The following B3GAT3 variants were observed in gnomAD, a reference collection of about 807,000 sequenced individuals.
B3GAT3 encodes galactosylgalactosylxylosylprotein 3-beta-glucuronosyltransferase 3.
B3GAT3 carries 19 observed loss-of-function variants against 33.1 expected under a neutral mutation model. The ratio of observed to expected loss-of-function variants is 0.57; its 90% CI spans 0.40 to 0.84. The LOEUF (loss-of-function observed/expected upper bound fraction) is 0.84, where lower values mean the gene tolerates loss of function less well. B3GAT3 is among the 40% of genes least tolerant of loss of function. The pLI is 0.00. For synonymous variants in B3GAT3, 167 were observed against 193.5 expected (o/e 0.86, Z 1.14); for missense variants, 344 against 441.5 (o/e 0.78, Z 1.98).
intron 2 of B3GAT3, among the ~76,000 whole-genome samples, chr11:62,618,518 TGG>T: frequency 6.8e-6 from 1 of 147,730 alleles, no homozygotes; most frequent in South Asian, 2.2e-4. Flanking sequence ...AAAAATTAGC[TGG>T]GTGTGGTGGC....
intron 2 of B3GAT3, among the ~76,000 whole-genome samples, chr11:62,619,341 CAGA>C (rs1241773408): frequency 2.6e-5 from 4 of 152,144 alleles, no homozygotes; most frequent in East Asian, 3.8e-4. Flanking sequence ...ATCTGATTCC[CAGA>C]AGATGTATTA....
Position 62,615,640 on chromosome 11 carries a change from TG to T in B3GAT3, c.*60del. 2.5e-6 allele frequency: 4 copies of T among 1,581,198 alleles called. No individual in the cohort carries two copies. Among genetic ancestry groups the T allele is most frequent in the Non-Finnish European group, 2.6e-6 (3 of 1,165,518 alleles). On this transcript the variant is annotated 3_prime_UTR_variant, in exon 5 of 5. Transcript: ENST00000265471. ...TGGAAAACCACATCCTGGGCAGGCC[TG>T]GGGCCCAGTCCCACAAGGTCTGTGC...
rs1368462302 is a variant in B3GAT3 at position 62,616,500 on chromosome 11, C to T, written c.909+6G>A. The T allele has an allele frequency of 1.7e-5, 27 of 1,614,136 alleles. No homozygotes were observed. Among genetic ancestry groups the T allele is most frequent in the Non-Finnish European group, 2.3e-5 (27 of 1,180,038 alleles). ...CAGGTTTCTATGCCCATCTCCATTC[C>T]CTTACCCGAGTGCAGTTGGCAGCCC... On this transcript the variant is annotated splice_donor_region_variant and intron_variant, in intron 4 of 4. Coordinates refer to ENST00000265471, the MANE Select transcript of B3GAT3 (RefSeq NM_012200.4).
At chr11:62,620,788 T>C (rs1943131187) in intron 1 of B3GAT3, 117 bp from the exon 2 acceptor site, 1 of 1,005,380 alleles carries the variant, frequency 9.9e-7, no homozygotes, top group African/African-American at 1.6e-5. Flanking sequence ...GGTATCACCT[T>C]ATGACTTCCC....
intron 1 of B3GAT3, among the ~76,000 whole-genome samples, 164 bp from the exon 2 acceptor site, chr11:62,620,835 A>T (rs1206521762): frequency 3.3e-5 from 5 of 152,166 alleles, no homozygotes; most frequent in Admixed American, 6.5e-5. Flanking sequence ...TGGGAAACTC[A>T]CTGCCTCAAG....
chr11:62,621,441 T>G, intron 1 of B3GAT3: 2 of 413,316 alleles, frequency 4.8e-6, no homozygotes, highest in Non-Finnish European at 4.8e-6. Context: ...GGAGGTGACA[T>G]TTGAGCTAAG....
At position 62,621,771 on chromosome 11, in the gene B3GAT3, G is replaced by A. The variant is rs1175616439; in HGVS notation, c.82+95C>T. 3 of 1,297,044 alleles carry A rather than the reference G, an allele frequency of 2.3e-6. No homozygotes were observed. In the African/African-American group the frequency reaches 4.6e-5, roughly 20 times the overall value. The allele number at this position is 1,297,044 out of a possible 1,614,324, so 80.3% of individuals were successfully genotyped here. The stretch of plus-strand genomic sequence containing the variant: ...GAGCTGTCCGGAGGGCCGAGCGGAT[G>A]AATGGTGTTTGCCGGGGGTTCATCC... On this transcript the variant is annotated intron_variant, in intron 1 of 4. Coordinates refer to ENST00000265471, the MANE Select transcript of B3GAT3 (RefSeq NM_012200.4).
In B3GAT3 at chr11:62,616,585, C is replaced by G. The variant is rs387906937; in HGVS notation, c.830G>C (p.Arg277Pro). 1.2e-6 allele frequency: 2 copies of G among 1,614,082 alleles called. No individual in the cohort carries two copies. Among genetic ancestry groups the G allele is most frequent in the East Asian group, 2.2e-5 (1 of 44,896 alleles). Residue 277 changes from arginine (R) to proline (P), a missense_variant, in exon 4 of 5, where the codon CGG (arginine) becomes CCG (proline). Physicochemically the swap from Arg to Pro is moderately radical, Grantham distance 103 (BLOSUM62 -2). Coordinates refer to ENST00000265471, the MANE Select transcript of B3GAT3 (RefSeq NM_012200.4). Reference protein sequence around the residue: ...PNAQFDSTAPRGHLESSLLSH... With the variant: ...PNAQFDSTAPPGHLESSLLSH... ...CAGAAGACTGCTCTCCAGGTGGCCC[C>G]GGGGAGCGGTGGAATCAAATTGGGC...
chr11:62,616,668 G>T lies in B3GAT3; in HGVS notation c.747C>A (p.Phe249Leu). The change falls in exon 4 of 5, where the codon TTC becomes TTA. Residue 249 changes from phenylalanine to leucine, a missense_variant. Transcript: ENST00000265471. ...FHTAWEPSRP[F>L]PVDMAGFAVA... The stretch of plus-strand genomic sequence containing the variant: ...CGGCAAATCCAGCCATATCCACAGG[G>T]AAGGGCCTGCTGGGCTCCCATGCTG... 1 of 1,614,192 alleles carries T rather than the reference G, an allele frequency of 6.2e-7. No homozygotes were observed. The highest frequency in any genetic ancestry group is 8.5e-7 in the Non-Finnish European group (1 of 1,180,034).
At chr11:62,620,744 G>T in intron 1 of B3GAT3, 73 bp from the exon 2 acceptor site, 1 of 1,436,624 alleles carries the variant, frequency 7.0e-7, no homozygotes. Context: ...ATCCCAAAGG[G>T]CCGTAATCGT....
At position 62,617,152 on chromosome 11, in the gene B3GAT3, G is replaced by C. The variant is rs1209907608; in HGVS notation, c.453C>G (p.Gly151=). 1.2e-6 allele frequency: 2 copies of C among 1,614,040 alleles called. No individual in the cohort carries two copies. Among genetic ancestry groups the C allele is most frequent in the South Asian group, 2.2e-5 (2 of 91,092 alleles). ...GCTCGACACCACGGGGATGAACCCAGCCAGGCTCGCCCTCCCGAAGCCGCT... is the reference window on the plus strand; with the variant it reads ...GCTCGACACCACGGGGATGAACCCACCCAGGCTCGCCCTCCCGAAGCCGCT... ...KAQRLREGEP[G]WVHPRGVEQR... Residue 151 remains glycine (G), a synonymous_variant, in exon 3 of 5, where the codon GGC becomes GGG. Coordinates refer to ENST00000265471, the MANE Select transcript of B3GAT3 (RefSeq NM_012200.4).
chr11:62,620,317 C>G (rs1943121031), intron 2 of B3GAT3, among the ~76,000 whole-genome samples, 180 bp downstream of exon 2: 2 of 152,266 alleles, frequency 1.3e-5, no homozygotes, highest in African/African-American at 4.8e-5. Flanking sequence ...GCCACCACAC[C>G]CAGCCTGAAA....
chr11:62,619,175 G>GA (rs35210758), intron 2 of B3GAT3, among the ~76,000 whole-genome samples: 1,828 of 145,484 alleles, frequency 0.013, 35 homozygotes, highest in African/African-American at 0.044. Context: ...GCGGGGGGAA[G>GA]AAAAAAAAAA....
intron 4 of B3GAT3, chr11:62,616,043 A>G: frequency 4.0e-6 from 5 of 1,234,910 alleles, no homozygotes; most frequent in Non-Finnish European, 5.3e-6. Context: ...GGAGATTGAG[A>G]CCATCCTGGC....
chr11:62,620,773 A>G (rs760259106), intron 1 of B3GAT3, 102 bp from the exon 2 acceptor site: 4 of 1,173,256 alleles, frequency 3.4e-6, no homozygotes, highest in Non-Finnish European at 4.9e-6. Flanking sequence ...TTCCTAACCA[A>G]TGCAGGTATC....
intron 2 of B3GAT3, among the ~76,000 whole-genome samples, chr11:62,618,320 C>T: frequency 6.6e-6 from 1 of 151,884 alleles, no homozygotes; most frequent in East Asian, 1.9e-4. Flanking sequence ...CCTCAGTTTC[C>T]TCAACTGTAA....
intron 1 of B3GAT3, 68 bp downstream of exon 1, chr11:62,621,798 C>G (rs1221619223): frequency 6.9e-7 from 1 of 1,440,742 alleles, no homozygotes; most frequent in East Asian, 2.6e-5. Context: ...GGTTCATCCC[C>G]AGGGCGGGAT....
intron 2 of B3GAT3, among the ~76,000 whole-genome samples, chr11:62,619,234 T>A (rs1011735991): frequency 1.1e-4 from 17 of 151,940 alleles, no homozygotes; most frequent in African/African-American, 4.1e-4. Flanking sequence ...TCTTCTGTAC[T>A]TCTTTATCCT....
chr11:62,615,902 T>C (rs1433616474), intron 4 of B3GAT3, 103 bp from the exon 5 acceptor site: 4 of 1,544,806 alleles, frequency 2.6e-6, no homozygotes, highest in African/African-American at 1.4e-5. Flanking sequence ...ATATACAGTA[T>C]AGGCTTCAAA....
Sources: allele counts gnomAD v4.1 joint callset (sites outside exome capture counted in the v4.1 genomes callset), GRCh38; gene constraint gnomAD v4.1.1; transcripts MANE v1.5; gene names NCBI Gene and HGNC (gene_info 2026-07-23, HGNC 2026-07-21).